Variants in PDE4D observed in about 807,000 individuals in gnomAD.
PDE4D encodes the protein 3',5'-cyclic-AMP phosphodiesterase 4D.
A neutral mutation model predicts 87.4 loss-of-function variants in PDE4D; 24 were observed. The ratio of observed to expected loss-of-function variants is 0.27; its 90% CI spans 0.20 to 0.39. The LOEUF is 0.39. Among genes scored for constraint, PDE4D ranks in the 10% least tolerant of loss-of-function variants. The pLI is 1.00. For synonymous variants in PDE4D, 384 were observed against 383.2 expected (o/e 1.00, Z -0.02); for missense variants, 714 against 1,041.0 (o/e 0.69, Z 4.32).
chr5:59,196,029 G>T (rs1171377993), intron 2 of PDE4D, among the ~76,000 whole-genome samples: 2 of 152,016 alleles, frequency 1.3e-5, no homozygotes, highest in African/African-American at 4.8e-5. Context: ...ATCAGTGGTA[G>T]TTGAGAGAGA....
At chr5:59,784,742 C>T (rs1451789259) in intron 1 of PDE4D, among the ~76,000 whole-genome samples, 1 of 152,086 alleles carries the variant, frequency 6.6e-6, no homozygotes, top group Non-Finnish European at 1.5e-5. Flanking sequence ...TGTCCCCACC[C>T]AAATCTCATC....
chr5:60,167,908 T>C (rs1466770715), intron 2 of PDE4D, among the ~76,000 whole-genome samples: 2 of 152,204 alleles, frequency 1.3e-5, no homozygotes, highest in Non-Finnish European at 2.9e-5. Context: ...TGTATCAATA[T>C]CTGCACATCT....
intron 1 of PDE4D, among the ~76,000 whole-genome samples, chr5:59,827,298 C>G (rs906927317): frequency 1.3e-5 from 2 of 151,966 alleles, no homozygotes; most frequent in Non-Finnish European, 2.9e-5. Context: ...GCCAGAATCT[C>G]TTAATGCACT....
intron 1 of PDE4D, among the ~76,000 whole-genome samples, chr5:59,385,691 G>A (rs559965234): frequency 6.6e-6 from 1 of 152,046 alleles, no homozygotes; most frequent in African/African-American, 2.4e-5. Flanking sequence ...TTTGATAAAC[G>A]GGAAGGAGAT....
intron 1 of PDE4D, among the ~76,000 whole-genome samples, chr5:59,844,436 C>G (rs1231102096): frequency 6.6e-6 from 1 of 152,034 alleles, no homozygotes; most frequent in East Asian, 1.9e-4. Context: ...ATGCAGTTTT[C>G]CATTTTTTAA....
chr5:59,972,766 G>A (rs1459486897), intron 3 of PDE4D, among the ~76,000 whole-genome samples: 1 of 152,112 alleles, frequency 6.6e-6, no homozygotes, highest in African/African-American at 2.4e-5. Context: ...GAACTGCTAG[G>A]CTCTAAATTC....
chr5:60,515,601 C>CTTTTTTTTTTTTTTTTTTT (rs954970783), intron 1 of PDE4D, among the ~76,000 whole-genome samples: 1 of 106,824 alleles, frequency 9.4e-6, no homozygotes, highest in African/African-American at 3.2e-5. Context: ...TTTTCTTTTT[C>CTTTTTTTTTTTTTTTTTTT]TTTTTTTTTT....
At chr5:59,504,522 C>T (rs984587439) in intron 1 of PDE4D, among the ~76,000 whole-genome samples, 3 of 152,008 alleles carry the variant, frequency 2.0e-5, no homozygotes, top group South Asian at 2.1e-4. Context: ...TGTGTAGCAC[C>T]GGGATTCATT....
chr5:59,985,430 T>C (rs1762359633), intron 3 of PDE4D, among the ~76,000 whole-genome samples: 1 of 151,972 alleles, frequency 6.6e-6, no homozygotes, highest in Admixed American at 6.6e-5. Flanking sequence ...CGTGAGCCAC[T>C]GCACCTGGCC....
At chr5:59,039,081 G>C (rs956290032) in intron 5 of PDE4D, 110 bp from the exon 6 acceptor site, 9 of 1,483,464 alleles carry the variant, frequency 6.1e-6, no homozygotes, top group Non-Finnish European at 8.1e-6. Context: ...GATGCCCGGT[G>C]CCGGCACATG....
At chr5:59,209,414 C>T (rs748498785) in intron 2 of PDE4D, among the ~76,000 whole-genome samples, 13 of 152,104 alleles carry the variant, frequency 8.5e-5, no homozygotes, top group Non-Finnish European at 7.4e-5. Flanking sequence ...TCAAACTCCT[C>T]AGCTCAAGCC....
intron 1 of PDE4D, among the ~76,000 whole-genome samples, chr5:59,438,771 T>C (rs1797152956): frequency 6.6e-6 from 1 of 151,774 alleles, no homozygotes; most frequent in African/African-American, 2.4e-5. Context: ...CCACCTCTTC[T>C]AGGGTCTGCA....
chr5:59,118,989 GT>G (rs1218719222), intron 5 of PDE4D, among the ~76,000 whole-genome samples: 1 of 152,076 alleles, frequency 6.6e-6, no homozygotes, highest in Non-Finnish European at 1.5e-5. Context: ...AATTTAAACT[GT>G]TTTTAAGAAA....
chr5:59,109,696 G>A (rs140059739), intron 5 of PDE4D, among the ~76,000 whole-genome samples: 1 of 152,192 alleles, frequency 6.6e-6, no homozygotes, highest in Middle Eastern at 3.4e-3. Flanking sequence ...GAGAGGAGAG[G>A]TCAAGGAGCA....
At chr5:59,435,865 A>C (rs1796736997) in intron 1 of PDE4D, among the ~76,000 whole-genome samples, 1 of 152,206 alleles carries the variant, frequency 6.6e-6, no homozygotes, top group Non-Finnish European at 1.5e-5. Flanking sequence ...CATCATATGC[A>C]ATCAAACAGA....
At chr5:59,317,509 G>A (rs749673175) in intron 1 of PDE4D, among the ~76,000 whole-genome samples, 9 of 152,120 alleles carry the variant, frequency 5.9e-5, no homozygotes, top group Non-Finnish European at 1.0e-4. Context: ...TCTGCAGCAT[G>A]ACTTCCCAAA....
chr5:60,503,889 A>T (rs1196061949), intron 1 of PDE4D, among the ~76,000 whole-genome samples: 1 of 152,162 alleles, frequency 6.6e-6, no homozygotes, highest in Non-Finnish European at 1.5e-5. Flanking sequence ...CAAAGATATG[A>T]AAGATGTGTT....
chr5:59,171,832 AT>A (rs376185236), intron 5 of PDE4D, among the ~76,000 whole-genome samples: 12,042 of 133,086 alleles, frequency 0.09, 928 homozygotes, highest in African/African-American at 0.19. Context: ...TTTAATATAT[AT>A]TTTATATATT....
chr5:59,313,669 G>A (rs914304755), intron 1 of PDE4D, among the ~76,000 whole-genome samples: 1 of 152,102 alleles, frequency 6.6e-6, no homozygotes, highest in Non-Finnish European at 1.5e-5. Context: ...AAGGTACAAA[G>A]TATCCAAATC....
Sources: gnomAD v4.1 joint callset for allele counts (sites outside exome capture counted in the v4.1 genomes callset) on GRCh38, gnomAD v4.1.1 for gene constraint, MANE v1.5 for transcripts, NCBI Gene and HGNC (gene_info 2026-07-23, HGNC 2026-07-21) for gene names.